The following NALCN variants were observed in gnomAD, a reference collection of about 807,000 sequenced individuals.
NALCN encodes sodium leak channel NALCN.
Under a neutral mutation model 225.3 loss-of-function variants are expected in NALCN, and 111 were observed. That is an observed-to-expected ratio of 0.49 (90% CI 0.42 to 0.58). The LOEUF (loss-of-function observed/expected upper bound fraction) is 0.58, where lower values mean the gene tolerates loss of function less well. NALCN is among the 20% of genes least tolerant of loss of function. The pLI, the probability that NALCN is intolerant of heterozygous loss-of-function variation, is 0.00. For synonymous variants in NALCN, 764 were observed against 769.0 expected, an observed-to-expected ratio of 0.99 and a Z score of 0.11; for missense variants, 1,378 against 2,202.4, an observed-to-expected ratio of 0.63 and a Z score of 7.49.
At chr13:101,177,063 G>C (rs1256549042) in intron 14 of NALCN, among the ~76,000 whole-genome samples, 3 of 152,172 alleles carry the variant, frequency 2.0e-5, no homozygotes, top group Non-Finnish European at 4.4e-5. Context: ...ATGTTGTGAG[G>C]ATGCTCAAGC....
intron 43 of NALCN, 32 bp downstream of exon 43, chr13:101,057,897 TAAAATGCCTC>T (rs768335653): frequency 2.7e-6 from 4 of 1,505,500 alleles, no homozygotes; most frequent in Non-Finnish European, 3.7e-6. Flanking sequence ...TAAATACCTT[TAAAATGCCTC>T]GATCGCTGGA....
At chr13:101,279,367 G>C (rs921607225) in intron 10 of NALCN, among the ~76,000 whole-genome samples, 2 of 152,182 alleles carry the variant, frequency 1.3e-5, no homozygotes, top group African/African-American at 4.8e-5. Context: ...AAATGCAGGA[G>C]TCTGAGAAGA....
rs182993854 is a variant in NALCN at position 101,297,143 on chromosome 13, C to A, written c.800-4777G>T. ...TTCTTCTAGTCTTAGGTTACATAAC[C>A]ACATTGTCATTCCACTCTCAAGTGA... On this transcript the variant is annotated intron_variant, in intron 7 of 43. Transcript: ENST00000251127. Among the ~76,000 whole-genome samples, 300 of 152,260 alleles carry A rather than the reference C, an allele frequency of 2.0e-3. 1 individual carries two copies. The highest frequency in any genetic ancestry group is 3.7e-3 in the Non-Finnish European group (250 of 68,028).
intron 6 of NALCN, among the ~76,000 whole-genome samples, chr13:101,375,053 T>C (rs909681529): frequency 1.3e-5 from 2 of 152,218 alleles, no homozygotes; most frequent in Non-Finnish European, 2.9e-5. Context: ...TACTCATAGA[T>C]GTTTTCCTTT....
At chr13:101,131,837 A>C (rs974625161) in intron 17 of NALCN, among the ~76,000 whole-genome samples, 1 of 152,180 alleles carries the variant, frequency 6.6e-6, no homozygotes, top group Non-Finnish European at 1.5e-5. Context: ...GTGGGAATTC[A>C]AGGTTAAAAA....
intron 3 of NALCN, among the ~76,000 whole-genome samples, chr13:101,380,280 A>G (rs1398410971): frequency 1.3e-5 from 2 of 152,164 alleles, no homozygotes; most frequent in African/African-American, 4.8e-5. Flanking sequence ...TGCAAGGAAA[A>G]CACATATTGA....
chr13:101,217,778 C>T lies in NALCN; in HGVS notation c.1626+11615G>A, dbSNP rs550132696. ...GGGAGAGCAGGAATCCATAACTGAT[C>T]TACTCTGTGTCCAGCCCTATGCTAG... On this transcript the variant is annotated intron_variant, in intron 13 of 43. Transcript: ENST00000251127. 3.3e-5 allele frequency among the ~76,000 whole-genome samples: 5 copies of T among 152,296 alleles called. No individual in the cohort carries two copies. The South Asian group carries it at 1.0e-3, about 32-fold the overall frequency.
chr13:101,415,787 T>C (rs976378935), intron 1 of NALCN, among the ~76,000 whole-genome samples: 4 of 152,016 alleles, frequency 2.6e-5, no homozygotes, highest in Non-Finnish European at 5.9e-5. Flanking sequence ...CGCGGAGACC[T>C]GCTGGAGCCA....
At chr13:101,395,484 G>A (rs2047265258) in intron 2 of NALCN, 119 bp from the exon 3 acceptor site, 2 of 889,620 alleles carry the variant, frequency 2.2e-6, no homozygotes. Context: ...TAATGTGGAG[G>A]TGAAGAAGAA....
At chr13:101,364,490 A>G (rs1390787515) in intron 6 of NALCN, among the ~76,000 whole-genome samples, 2 of 152,290 alleles carry the variant, frequency 1.3e-5, no homozygotes, top group Non-Finnish European at 2.9e-5. Context: ...ACAGAAAGAC[A>G]AATATCACAT....
At chr13:101,062,902 C>G (rs2032072666) in intron 40 of NALCN, among the ~76,000 whole-genome samples, 1 of 152,216 alleles carries the variant, frequency 6.6e-6, no homozygotes, top group Non-Finnish European at 1.5e-5. Context: ...CATGCCTGGT[C>G]TTCCTTATTA....
At chr13:101,251,374 G>T (rs2042056837) in intron 11 of NALCN, among the ~76,000 whole-genome samples, 1 of 152,060 alleles carries the variant, frequency 6.6e-6, no homozygotes, top group Non-Finnish European at 1.5e-5. Context: ...TTGATATGAT[G>T]AATATAGTTC....
At chr13:101,254,655 G>C (rs1301927546) in intron 11 of NALCN, among the ~76,000 whole-genome samples, 3 of 72,850 alleles carry the variant, frequency 4.1e-5, no homozygotes, top group African/African-American at 1.1e-4. Context: ...ACTTTGGGAG[G>C]CCGAGGCGGG....
intron 20 of NALCN, among the ~76,000 whole-genome samples, chr13:101,109,926 T>A (rs78781545): frequency 6.6e-6 from 1 of 152,280 alleles, no homozygotes; most frequent in African/African-American, 2.4e-5. Context: ...GTCACAGTAA[T>A]GAAGAGATGA....
At chr13:101,098,814 G>A (rs1048314055) in intron 27 of NALCN, among the ~76,000 whole-genome samples, 1 of 150,388 alleles carries the variant, frequency 6.6e-6, no homozygotes, top group Non-Finnish European at 1.5e-5. Context: ...GATTTGAGAA[G>A]ACAAAAAGAC....
intron 17 of NALCN, among the ~76,000 whole-genome samples, chr13:101,141,100 G>A (rs1339843732): frequency 6.6e-6 from 1 of 152,176 alleles, no homozygotes; most frequent in Non-Finnish European, 1.5e-5. Context: ...TGTCCTGGAA[G>A]ACCAAGCACA....
At chr13:101,391,723 G>T (rs1332408691) in intron 3 of NALCN, among the ~76,000 whole-genome samples, 1 of 151,268 alleles carries the variant, frequency 6.6e-6, no homozygotes. Context: ...AGTGGCTCAC[G>T]CCTGTAATCC....
chr13:101,100,610 TCG>T (rs1450694315), intron 27 of NALCN, among the ~76,000 whole-genome samples, 172 bp downstream of exon 27: 1 of 152,202 alleles, frequency 6.6e-6, no homozygotes, highest in Non-Finnish European at 1.5e-5. Context: ...GACAGGGCTC[TCG>T]CTCTGTTGCC....
intron 1 of NALCN, among the ~76,000 whole-genome samples, chr13:101,415,515 A>C (rs2047918163): frequency 6.6e-6 from 1 of 152,184 alleles, no homozygotes; most frequent in African/African-American, 2.4e-5. Context: ...TGAGTTCAGC[A>C]TTCTCACACC....
Sources: allele counts gnomAD v4.1 joint callset (sites outside exome capture counted in the v4.1 genomes callset), GRCh38; gene constraint gnomAD v4.1.1; transcripts MANE v1.5; gene names NCBI Gene and HGNC (gene_info 2026-07-23, HGNC 2026-07-21).